Variants in SETD5 observed in about 807,000 individuals in gnomAD.
SETD5 encodes the protein SET domain containing 5, also known as histone-lysine N-methyltransferase SETD5.
SETD5 carries 44 observed loss-of-function variants against 153.3 expected under a neutral mutation model. That is an observed-to-expected ratio of 0.29 (90% CI 0.23 to 0.37). The LOEUF is 0.37. SETD5 is among the 10% of genes least tolerant of loss of function. SETD5 has a pLI of 1.00. For synonymous variants in SETD5, 716 were observed against 645.2 expected (o/e 1.11, Z -1.66); for missense variants, 1,544 against 1,768.0 (o/e 0.87, Z 2.27).
At chr3:9,413,970 G>GT (rs1181032102) in intron 1 of SETD5, among the ~76,000 whole-genome samples, 4 of 151,986 alleles carry the variant, frequency 2.6e-5, no homozygotes, top group Admixed American at 1.3e-4. Context: ...TAGAGATGGG[G>GT]TTTCACCATT....
At chr3:9,421,251 G>T (rs1330867464) in intron 1 of SETD5, among the ~76,000 whole-genome samples, 1 of 152,058 alleles carries the variant, frequency 6.6e-6, no homozygotes, top group African/African-American at 2.4e-5. Context: ...TAATTATGTT[G>T]TAGGCTAGAA....
chr3:9,426,150 CTGTT>C (rs2125001835), intron 2 of SETD5: 1 of 135,264 alleles, frequency 7.4e-6, no homozygotes, highest in African/African-American at 2.7e-5. Flanking sequence ...TTTGGATATA[CTGTT>C]AGGGAAAGGA....
chr3:9,475,334 C>A, intron 22 of SETD5, 149 bp from the exon 23 acceptor site: 3 of 1,231,750 alleles, frequency 2.4e-6, no homozygotes, highest in Middle Eastern at 2.1e-4. Context: ...ATACGGTGAT[C>A]AAAGACAGAC....
At position 9,475,731 on chromosome 3, in the gene SETD5, C is replaced by G. The variant is rs1313159760; in HGVS notation, c.3969C>G (p.Ser1323Arg). The change falls in exon 23 of 23, where the codon AGC becomes AGG. Residue 1323 changes from serine (S) to arginine (R), a missense_variant. Coordinates refer to ENST00000402198, the MANE Select transcript of SETD5 (RefSeq NM_001080517.3). ...PFTGTPGYFS[S>R]QPHSGNSTGS... ...CGGGGACACCAGGGTATTTTAGCAG[C>G]CAGCCACATTCTGGAAACAGCACTG... 3 of 1,613,834 alleles carry G rather than the reference C, an allele frequency of 1.9e-6. No homozygotes were observed. Among genetic ancestry groups the G allele is most frequent in the Non-Finnish European group, 2.5e-6 (3 of 1,179,872 alleles).
intron 19 of SETD5, among the ~76,000 whole-genome samples, chr3:9,471,676 A>C (rs1344249643): frequency 6.6e-6 from 1 of 152,210 alleles, no homozygotes; most frequent in African/African-American, 2.4e-5. Context: ...ATGCCTGATC[A>C]AGAAGTCACA....
intron 1 of SETD5, among the ~76,000 whole-genome samples, chr3:9,422,061 A>G (rs1426160297): frequency 6.6e-6 from 1 of 152,200 alleles, no homozygotes. Context: ...TTATAATTTT[A>G]TAATACTGTG....
At chr3:9,451,332 A>G (rs1261149661) in intron 16 of SETD5, among the ~76,000 whole-genome samples, 2 of 152,208 alleles carry the variant, frequency 1.3e-5, no homozygotes, top group Non-Finnish European at 2.9e-5. Context: ...CTCACTTACC[A>G]TGCATGAAAT....
chr3:9,411,730 T>G (rs1333587788), intron 1 of SETD5, among the ~76,000 whole-genome samples: 1 of 152,258 alleles, frequency 6.6e-6, no homozygotes, highest in East Asian at 1.9e-4. Flanking sequence ...AAGTGGTTAT[T>G]GTTACGAGTA....
intron 6 of SETD5, among the ~76,000 whole-genome samples, 178 bp from the exon 7 acceptor site, chr3:9,435,550 A>G (rs1472490949): frequency 6.6e-6 from 1 of 152,242 alleles, no homozygotes; most frequent in Non-Finnish European, 1.5e-5. Flanking sequence ...CTTAATGCCA[A>G]TGACATAGAA....
intron 10 of SETD5, 138 bp from the exon 11 acceptor site, chr3:9,443,170 A>T: frequency 1.5e-6 from 1 of 657,854 alleles, no homozygotes; most frequent in Non-Finnish European, 2.7e-6. Context: ...TGAAGGGGTT[A>T]AATAACAGAT....
At chr3:9,398,700 C>T (rs900477182) in intron 1 of SETD5, 3 of 152,188 alleles carry the variant, frequency 2.0e-5, no homozygotes, top group Admixed American at 6.5e-5. Flanking sequence ...GAAAAATATT[C>T]CCTTTATGAA....
At chr3:9,443,244 T>C in intron 10 of SETD5, 64 bp from the exon 11 acceptor site, 1 of 1,177,708 alleles carries the variant, frequency 8.5e-7, no homozygotes, top group South Asian at 1.3e-5. Flanking sequence ...AGTATGGTTT[T>C]TTTCTCTCTT....
At position 9,475,957 on chromosome 3, in the gene SETD5, G is replaced by A. The variant is rs767146470; in HGVS notation, c.4195G>A (p.Val1399Ile). 2.5e-6 allele frequency: 4 copies of A among 1,614,006 alleles called. No individual in the cohort carries two copies. The highest frequency in any genetic ancestry group is 1.7e-5 in the Admixed American group (1 of 60,028). ...TCTGCCCAGTGCTGGGCAGTCAGCT[G>A]TCTACCAGGCCTCCAGGGTATCTGC... ...ISLPSAGQSA[V>I]YQASRVSAVS... is the part of the protein sequence containing the mutation. Residue 1399 changes from valine to isoleucine, a missense_variant, in exon 23 of 23, where the codon GTC (valine) becomes ATC (isoleucine). Around this residue, in one of 9 missense-constraint regions of SETD5, gnomAD observed 302 missense variants for 277.6 expected, o/e 1.09. Transcript: ENST00000402198.
In SETD5 at chr3:9,428,954, CCT is replaced by C. The variant is rs1559388209; in HGVS notation, c.19_20del (p.Leu7GlyfsTer19). The C allele has an allele frequency of 6.2e-7, 1 of 1,613,070 alleles. No homozygotes were observed. Among genetic ancestry groups the C allele is most frequent in the East Asian group, 2.2e-5 (1 of 44,836 alleles). On this transcript the variant is annotated frameshift_variant, in exon 3 of 23. Coordinates refer to ENST00000402198, the MANE Select transcript of SETD5 (RefSeq NM_001080517.3). LOFTEE classifies it high-confidence loss of function. MSIAI[P>X]LGVTTSDTSY... ...GTTGGACGTCATGAGCATTGCAATC[CCT>C]CTGGGAGTCACCACATCAGATACAT...
intron 1 of SETD5, among the ~76,000 whole-genome samples, chr3:9,400,985 C>A (rs17050307): frequency 0.053 from 8,027 of 152,260 alleles, 326 homozygotes; most frequent in Admixed American, 0.11. Flanking sequence ...GTATCCTATA[C>A]TTTTTTCTCT....
intron 6 of SETD5, among the ~76,000 whole-genome samples, chr3:9,435,243 CAA>C (rs5846637): frequency 0.2 from 15,628 of 79,922 alleles, 1,949 homozygotes; most frequent in African/African-American, 0.44. Context: ...AACTCCCTCT[CAA>C]AAAAAAAAAA....
At chr3:9,411,568 T>C (rs2036573264) in intron 1 of SETD5, among the ~76,000 whole-genome samples, 1 of 152,238 alleles carries the variant, frequency 6.6e-6, no homozygotes, top group East Asian at 1.9e-4. Context: ...TGCTTTGGCT[T>C]TGGCCAAGAT....
At position 9,434,889 on chromosome 3, in the gene SETD5, G is replaced by A. The variant is rs373958415; in HGVS notation, c.388+7G>A. 1.6e-5 allele frequency: 26 copies of A among 1,612,200 alleles called. No homozygotes were observed. Among genetic ancestry groups the A allele is most frequent in the Admixed American group, 3.3e-5 (2 of 59,734 alleles). The stretch of plus-strand genomic sequence containing the variant: ...AAGCAGGACAACATATCAGGTGAGC[G>A]GAAGATGGGTTAGGTCCACAATTTG... On this transcript the variant is annotated splice_region_variant and intron_variant, in intron 6 of 22. Coordinates refer to ENST00000402198, the MANE Select transcript of SETD5 (RefSeq NM_001080517.3). This position sits in a 1 kb window ranked among gnomAD's most constrained non-coding sequence, Gnocchi z 5.6.
chr3:9,400,053 G>A (rs2251166), intron 1 of SETD5, among the ~76,000 whole-genome samples: 106,329 of 152,094 alleles, frequency 0.7, 38,431 homozygotes, highest in East Asian at 0.88. Flanking sequence ...GCACTTAGGC[G>A]ATGGCTGCTT....
Sources: gnomAD v4.1 joint callset for allele counts (sites outside exome capture counted in the v4.1 genomes callset) on GRCh38, gnomAD v4.1.1 for gene constraint, gnomAD v4.1.1 regional missense constraint, Gnocchi (gnomAD v3.1) non-coding constraint, MANE v1.5 for transcripts, NCBI Gene and HGNC (gene_info 2026-07-23, HGNC 2026-07-21) for gene names.